B4GALNT2: variants seen among roughly 807,000 people sequenced by gnomAD.
B4GALNT2 encodes the protein N-acetylneuraminylgalactosylglucosyl-glucoside beta-1,4-N- acetylgalactosaminyltransferase 2.
Under a neutral mutation model 51.1 loss-of-function variants are expected in B4GALNT2, and 42 were observed. The observed-to-expected ratio is 0.82, with a 90% CI of 0.64 to 1.06. The LOEUF is 1.06. B4GALNT2 is among the 50% of genes least tolerant of loss of function. The pLI is 0.00. For missense variants in B4GALNT2, 602 were observed against 633.6 expected, an observed-to-expected ratio of 0.95 and a Z score of 0.54; for synonymous variants, 253 against 251.7, an observed-to-expected ratio of 1.01 and a Z score of -0.05.
intron 5 of B4GALNT2, among the ~76,000 whole-genome samples, 168 bp from the exon 6 acceptor site, chr17:49,158,869 A>G (rs1486547017): frequency 6.6e-6 from 1 of 152,172 alleles, no homozygotes; most frequent in Non-Finnish European, 1.5e-5. Flanking sequence ...GGGCGCTAGC[A>G]CAGTGACTCC....
At chr17:49,147,382 T>C (rs1301606822) in intron 3 of B4GALNT2, among the ~76,000 whole-genome samples, 3 of 151,156 alleles carry the variant, frequency 2.0e-5, no homozygotes, top group South Asian at 4.2e-4. Flanking sequence ...TTCTTTCTTT[T>C]TTTTTTTTTT....
At position 49,170,997 on chromosome 17, in the gene B4GALNT2, G is replaced by C. The variant is rs4534898; in HGVS notation, c.*1269G>C. On this transcript the variant is annotated 3_prime_UTR_variant, in exon 11 of 11. Coordinates refer to ENST00000393354, the MANE Select transcript of B4GALNT2 (RefSeq NM_001159387.2). ...AATGCTTTAAGCGGTTTTCCACCCT[G>C]GGTGGGCCAGGTGTTCCTTGCCCTT... 0.022 allele frequency: 3,379 copies of C among 155,316 alleles called. 138 individuals carry two copies. Among genetic ancestry groups the C allele is most frequent in the African/African-American group, 0.078 (3,226 of 41,554 alleles). The allele number at this position is 155,316 out of a possible 1,614,324, so 9.6% of individuals were successfully genotyped here. A position where few individuals can be genotyped will look rare whatever the true frequency, so the allele number is the denominator to read the frequency against.
In B4GALNT2 at chr17:49,136,758, G is replaced by A. The variant is rs2144271221; in HGVS notation, c.14+3952G>A. On this transcript the variant is annotated intron_variant, in intron 1 of 10. Transcript: ENST00000393354. ...GACGGGGTTTCACCATGTTGGCCAG[G>A]CTGGTCTCGAATTCCTGACCTCAGG... is the stretch of plus-strand genomic sequence containing the variant. Among the ~76,000 whole-genome samples the A allele has an allele frequency of 1.3e-5, 2 of 152,034 alleles. 1 individual carries two copies. The highest frequency in any genetic ancestry group is 4.2e-4 in the South Asian group (2 of 4,804).
the B4GALNT2 span, among the ~76,000 whole-genome samples, chr17:49,127,334 A>T: frequency 2.0e-5 from 3 of 152,330 alleles, no homozygotes; most frequent in East Asian, 5.8e-4. Context: ...TATAGCCTCT[A>T]TGCCAAATTT....
intron 3 of B4GALNT2, among the ~76,000 whole-genome samples, chr17:49,144,314 A>C (rs1211558902): frequency 6.6e-6 from 1 of 152,220 alleles, no homozygotes; most frequent in African/African-American, 2.4e-5. Context: ...TTCAAACCAT[A>C]GTAGCCACTA....
upstream of B4GALNT2, among the ~76,000 whole-genome samples, chr17:49,130,668 T>C (rs2042532847): frequency 2.0e-5 from 3 of 152,116 alleles, no homozygotes; most frequent in Admixed American, 2.0e-4. Context: ...TGTGTATTAC[T>C]CTTTATGTAT....
chr17:49,144,798 G>T (rs575114754), intron 3 of B4GALNT2, among the ~76,000 whole-genome samples: 9 of 152,056 alleles, frequency 5.9e-5, no homozygotes, highest in Non-Finnish European at 1.2e-4. Context: ...GCGAGAGAGA[G>T]AATTTATTAA....
upstream of B4GALNT2, among the ~76,000 whole-genome samples, chr17:49,128,034 A>G (rs972238833): frequency 6.6e-6 from 1 of 152,210 alleles, no homozygotes; most frequent in African/African-American, 2.4e-5. Context: ...ATCCATTTTA[A>G]TTAAGCTGAG....
At chr17:49,150,355 C>T (rs1195177191) in intron 3 of B4GALNT2, among the ~76,000 whole-genome samples, 1 of 152,020 alleles carries the variant, frequency 6.6e-6, no homozygotes, top group Non-Finnish European at 1.5e-5. Context: ...AGGGGCGCCT[C>T]TGCCTGGCCA....
chr17:49,140,953 G>A (rs1016093374), intron 1 of B4GALNT2, among the ~76,000 whole-genome samples: 5 of 151,886 alleles, frequency 3.3e-5, no homozygotes, highest in African/African-American at 9.7e-5. Context: ...TCTTGACCGC[G>A]TGATCCGCCT....
At position 49,167,641 on chromosome 17, in the gene B4GALNT2, G is replaced by C. The variant is rs113197655; in HGVS notation, c.1096-1040G>C. 4.6e-5 allele frequency among the ~76,000 whole-genome samples: 6 copies of C among 130,146 alleles called. No homozygotes were observed. In the South Asian group the frequency reaches 9.4e-4, roughly 20 times the overall value. The allele number at this position is 130,146 out of a possible 152,430, so 85.4% of individuals were successfully genotyped here. A position where few individuals can be genotyped will look rare whatever the true frequency, so the allele number is the denominator to read the frequency against. On this transcript the variant is annotated intron_variant, in intron 9 of 10. Transcript: ENST00000393354. Reference sequence around the variant, plus strand: ...TTTTTTTTTTTTGAGACAGAGTCTCGCTCTGTCACTTAGGCTGGAGTGCAG... The same window carrying C: ...TTTTTTTTTTTTGAGACAGAGTCTCCCTCTGTCACTTAGGCTGGAGTGCAG...
intron 4 of B4GALNT2, among the ~76,000 whole-genome samples, chr17:49,154,542 C>T (rs1045385827): frequency 6.6e-6 from 1 of 151,236 alleles, no homozygotes; most frequent in African/African-American, 2.4e-5. Flanking sequence ...TGGAGGCAAA[C>T]AGCCCCCCGA....
rs2042959657 is a variant in B4GALNT2 at position 49,171,857 on chromosome 17, T to C, written c.*2129T>C. The C allele has an allele frequency of 5.9e-6, 2 of 339,664 alleles. No homozygotes were observed. The highest frequency in any genetic ancestry group is 2.4e-5 in the South Asian group (1 of 41,810). 21.0% of individuals were successfully genotyped at this position (339,664 alleles called of 1,614,324 possible). A position where few individuals can be genotyped will look rare whatever the true frequency, so the allele number is the denominator to read the frequency against. ...AGGTCTAATTCTATTTACAAATAGG[T>C]TTTGAGCTGCCTTTGCTTTGCCTCA... On this transcript the variant is annotated 3_prime_UTR_variant, in exon 11 of 11. Coordinates refer to ENST00000393354, the MANE Select transcript of B4GALNT2 (RefSeq NM_001159387.2).
intron 1 of B4GALNT2, 141 bp from the exon 2 acceptor site, chr17:49,141,106 T>A (rs749976620): frequency 4.1e-6 from 3 of 737,802 alleles, no homozygotes; most frequent in Non-Finnish European, 6.9e-6. Flanking sequence ...TCTTTCCTCC[T>A]CTGTTTATCA....
chr17:49,164,441 A>G (rs976637492), intron 8 of B4GALNT2, among the ~76,000 whole-genome samples, 166 bp downstream of exon 8: 1 of 151,576 alleles, frequency 6.6e-6, no homozygotes, highest in South Asian at 2.1e-4. Context: ...GCTGATTCAC[A>G]GAGAAATTGG....
At chr17:49,147,370 C>CTTT (rs1216908911) in intron 3 of B4GALNT2, among the ~76,000 whole-genome samples, 6 of 144,214 alleles carry the variant, frequency 4.2e-5, no homozygotes, top group African/African-American at 1.5e-4. Context: ...CTTTTCTTTT[C>CTTT]TTTCTTTCTT....
chr17:49,164,406 T>A, intron 8 of B4GALNT2, 131 bp downstream of exon 8: 1 of 764,688 alleles, frequency 1.3e-6, no homozygotes, highest in Non-Finnish European at 2.1e-6. Context: ...TGGGAGTGGG[T>A]GAGGGCTGTC....
At chr17:49,162,823 GA>G (rs978730263) in intron 7 of B4GALNT2, among the ~76,000 whole-genome samples, 3 of 143,698 alleles carry the variant, frequency 2.1e-5, no homozygotes, top group Non-Finnish European at 4.5e-5. Context: ...TGAGGCAGGA[GA>G]ATCGCTTGAA....
intron 1 of B4GALNT2, among the ~76,000 whole-genome samples, chr17:49,137,696 T>A (rs1201104637): frequency 6.6e-6 from 1 of 152,186 alleles, no homozygotes; most frequent in Non-Finnish European, 1.5e-5. Context: ...AAACACATTT[T>A]ACCAAAAATA....
Sources: allele counts gnomAD v4.1 joint callset (sites outside exome capture counted in the v4.1 genomes callset), GRCh38; gene constraint gnomAD v4.1.1; transcripts MANE v1.5; gene names NCBI Gene and HGNC (gene_info 2026-07-23, HGNC 2026-07-21).